The following C5 variants were observed in gnomAD, a reference collection of about 807,000 sequenced individuals.
C5 encodes the protein C3 and PZP-like alpha-2-macroglobulin domain-containing protein 4.
C5 carries 140 observed loss-of-function variants against 218.8 expected under a neutral mutation model. The observed-to-expected ratio is 0.64, with a 90% CI of 0.56 to 0.74. C5 has a LOEUF of 0.74. Ranked by LOEUF, C5 falls within the 30% of genes least tolerant of loss-of-function variation. C5 has a pLI of 0.00. For synonymous variants in C5, 614 were observed against 682.3 expected (o/e 0.90, Z 1.56); for missense variants, 1,700 against 1,969.6 (o/e 0.86, Z 2.59).
intron 25 of C5, among the ~76,000 whole-genome samples, 176 bp from the exon 26 acceptor site, chr9:120,982,990 G>A (rs1484423318): frequency 6.6e-6 from 1 of 152,014 alleles, no homozygotes. Context: ...CAAAACATTC[G>A]GTAAACAAAT....
chr9:121,065,398 G>A, the C5 span, among the ~76,000 whole-genome samples: 1 of 152,156 alleles, frequency 6.6e-6, no homozygotes, highest in African/African-American at 2.4e-5. Context: ...TTGGAAAGCA[G>A]TTAGGTGGCA....
chr9:121,052,007 C>T (rs1300726495), upstream of C5, among the ~76,000 whole-genome samples: 1 of 152,158 alleles, frequency 6.6e-6, no homozygotes, highest in Admixed American at 6.5e-5. Context: ...TACTGATAAC[C>T]AATATTTGCA....
chr9:120,957,319 C>A lies in C5; in HGVS notation c.4728G>T (p.Lys1576Asn). The A allele has an allele frequency of 6.2e-7, 1 of 1,613,090 alleles. No individual in the cohort carries two copies. Among genetic ancestry groups the A allele is most frequent in the Non-Finnish European group, 8.5e-7 (1 of 1,179,312 alleles). Residue 1576 changes from lysine to asparagine, a missense_variant, in exon 39 of 41, where the codon AAG becomes AAT. Transcript: ENST00000223642. ...TSITVENVFV[K>N]YKATLLDIYK... ...AGATATCCAGAAGGGTTGCCTTGTA[C>A]TTGACAAAAACATTTTCTACAGTGA...
chr9:121,041,361 G>A (rs2047578997), intron 3 of C5, among the ~76,000 whole-genome samples: 1 of 140,338 alleles, frequency 7.1e-6, no homozygotes, highest in Non-Finnish European at 1.5e-5. Context: ...CTGGAGTGCA[G>A]TGGCTTGATC....
At chr9:120,958,132 T>C (rs1255945961) in intron 38 of C5, among the ~76,000 whole-genome samples, 1 of 152,208 alleles carries the variant, frequency 6.6e-6, no homozygotes, top group Non-Finnish European at 1.5e-5. Flanking sequence ...CAGATATAGA[T>C]TGACTGATTG....
chr9:120,959,611 T>G (rs544920650), intron 38 of C5, among the ~76,000 whole-genome samples: 47 of 152,166 alleles, frequency 3.1e-4, no homozygotes, highest in African/African-American at 1.0e-3. Flanking sequence ...GTGTACAATA[T>G]GCTCTCTCTC....
intron 31 of C5, 133 bp downstream of exon 31, chr9:120,971,797 A>G (rs889540403): frequency 2.0e-5 from 14 of 697,802 alleles, no homozygotes; most frequent in African/African-American, 1.2e-4. Context: ...AAAGATTTAC[A>G]TAAGTGAATC....
At chr9:120,958,020 GAGATTT>G (rs1005387297) in intron 38 of C5, among the ~76,000 whole-genome samples, 24 of 152,294 alleles carry the variant, frequency 1.6e-4, no homozygotes, top group Admixed American at 1.6e-3. Context: ...GGCCTCAGGA[GAGATTT>G]ATTTTATTTT....
intron 16 of C5, 124 bp downstream of exon 16, chr9:121,015,075 C>T (rs1401341036): frequency 7.3e-6 from 5 of 684,250 alleles, no homozygotes; most frequent in East Asian, 2.7e-5. Flanking sequence ...AGCTAGACCT[C>T]CATACATATC....
intron 23 of C5, among the ~76,000 whole-genome samples, chr9:120,990,500 G>A (rs891001229): frequency 6.6e-6 from 1 of 152,198 alleles, no homozygotes; most frequent in African/African-American, 2.4e-5. Flanking sequence ...TTTTTGAGAG[G>A]TGATTAGGTT....
intron 7 of C5, among the ~76,000 whole-genome samples, chr9:121,029,245 G>A (rs964581415): frequency 2.0e-5 from 3 of 152,150 alleles, no homozygotes; most frequent in Non-Finnish European, 4.4e-5. Context: ...TTTCTCTCAA[G>A]TGAGCCTTTT....
At chr9:121,053,387 A>AT (rs1397543086), upstream of C5, among the ~76,000 whole-genome samples, 20 of 152,288 alleles carry the variant, frequency 1.3e-4, no homozygotes, top group African/African-American at 4.8e-4. Context: ...GTAACTCTCC[A>AT]TGGGATATAG....
At chr9:121,013,730 T>C in intron 17 of C5, 143 bp downstream of exon 17, 1 of 752,044 alleles carries the variant, frequency 1.3e-6, no homozygotes, top group Non-Finnish European at 2.1e-6. Context: ...AAATGAAGGA[T>C]TTTTTTTTCT....
At chr9:121,067,832 T>G in the C5 span, among the ~76,000 whole-genome samples, 1 of 152,140 alleles carries the variant, frequency 6.6e-6, no homozygotes. Context: ...GCTTCCCCTT[T>G]GCCTTCCACC....
intron 33 of C5, among the ~76,000 whole-genome samples, chr9:120,965,829 T>C (rs1420556392): frequency 6.6e-6 from 1 of 152,152 alleles, no homozygotes; most frequent in African/African-American, 2.4e-5. Flanking sequence ...TATGAAAAGG[T>C]TGCTGGAGCC....
intron 40 of C5, among the ~76,000 whole-genome samples, chr9:120,953,192 G>C (rs960637523): frequency 2.0e-5 from 3 of 152,140 alleles, no homozygotes. Flanking sequence ...CCATAGTGCT[G>C]GGATTACAGG....
At chr9:121,018,742 AAAGGAAGGAAGGAAGGAAGGAAGG>A (rs765624136) in intron 12 of C5, among the ~76,000 whole-genome samples, 5 of 99,230 alleles carry the variant, frequency 5.0e-5, no homozygotes, top group South Asian at 7.3e-4. Context: ...GGAAGGAAGG[AAAGGAAGGAAGGAAGGAAGGAAGG>A]AAGGAAGGAA....
At chr9:120,959,462 T>C (rs1398914930) in intron 38 of C5, among the ~76,000 whole-genome samples, 1 of 151,754 alleles carries the variant, frequency 6.6e-6, no homozygotes, top group Non-Finnish European at 1.5e-5. Context: ...TTTTGCCATG[T>C]TTGCCCCAGG....
chr9:120,966,009 A>C (rs1306619174), intron 33 of C5, among the ~76,000 whole-genome samples: 4 of 152,242 alleles, frequency 2.6e-5, no homozygotes, highest in Non-Finnish European at 5.9e-5. Context: ...GGTTGTAAAA[A>C]GGTAAATACA....
Sources: gnomAD v4.1 joint callset for allele counts (sites outside exome capture counted in the v4.1 genomes callset) on GRCh38, gnomAD v4.1.1 for gene constraint, MANE v1.5 for transcripts, NCBI Gene and HGNC (gene_info 2026-07-23, HGNC 2026-07-21) for gene names.